The following HERC1 variants were observed in gnomAD, a reference collection of about 807,000 sequenced individuals.
The protein encoded by HERC1 is probable E3 ubiquitin-protein ligase HERC1.
Under a neutral mutation model 554.3 loss-of-function variants are expected in HERC1, and 160 were observed. The observed-to-expected ratio is 0.29, with a 90% confidence interval of 0.25 to 0.33. The LOEUF (loss-of-function observed/expected upper bound fraction) is 0.33. HERC1 is among the 10% of genes least tolerant of loss of function. The pLI is 1.00. For synonymous variants in HERC1, 2,175 were observed against 2,131.7 expected (o/e 1.02, Z -0.56); for missense variants, 4,919 against 5,918.5 (o/e 0.83, Z 5.54).
rs2075415190 is a variant in HERC1 at position 63,756,189 on chromosome 15, A to G, written c.1533+248T>C. Among the ~76,000 whole-genome samples, 1 of 151,994 alleles carries G rather than the reference A, an allele frequency of 6.6e-6. No individual in the cohort carries two copies. On this transcript the variant is annotated intron_variant, in intron 5 of 77. Coordinates refer to ENST00000443617, the MANE Select transcript of HERC1 (RefSeq NM_003922.4). The surrounding 1 kb of genome is among the most constrained non-coding windows in gnomAD (Gnocchi z 5.0). ...GTGCTAAATGTTTGTTAAATGAATG[A>G]CTCTCAGTTTGCTTATCTGTGAAAT...
At chr15:63,690,369 T>G (rs2072038690) in intron 32 of HERC1, among the ~76,000 whole-genome samples, 172 bp downstream of exon 32, 1 of 151,932 alleles carries the variant, frequency 6.6e-6, no homozygotes, top group Admixed American at 6.6e-5. Flanking sequence ...ATAACTTAAT[T>G]TTTTTTGCCC....
chr15:63,639,049 G>A (rs370646277), intron 61 of HERC1, among the ~76,000 whole-genome samples: 26 of 152,250 alleles, frequency 1.7e-4, no homozygotes, highest in African/African-American at 5.3e-4. Flanking sequence ...CAGGTACAAG[G>A]TCATGTGGAG....
intron 34 of HERC1, among the ~76,000 whole-genome samples, chr15:63,685,315 T>C (rs2071691943): frequency 6.6e-6 from 1 of 152,222 alleles, no homozygotes; most frequent in African/African-American, 2.4e-5. Context: ...GAAGGCCCCA[T>C]GGGGGCAGGT....
chr15:63,820,249 T>C (rs1477108348), intron 1 of HERC1, among the ~76,000 whole-genome samples: 2 of 152,118 alleles, frequency 1.3e-5, no homozygotes, highest in Non-Finnish European at 2.9e-5. Flanking sequence ...CATCATTAAA[T>C]TACACAAATC....
rs747666464 is a variant in HERC1, at chr15:63,661,735, T to C, written c.9170+18A>G. The C allele has an allele frequency of 3.5e-5, 57 of 1,612,614 alleles. No individual in the cohort carries two copies. The highest frequency in any genetic ancestry group is 4.7e-5 in the Non-Finnish European group (55 of 1,178,948). Reference sequence around the variant, plus strand: ...GGTATCTTCAGGAGGTCTGGATATCTACACAATTTCAAGGTACCTTTCAGA... The same window carrying C: ...GGTATCTTCAGGAGGTCTGGATATCCACACAATTTCAAGGTACCTTTCAGA... On this transcript the variant is annotated intron_variant, in intron 45 of 77. Transcript: ENST00000443617.
rs2068904802 is a variant in HERC1 at position 63,638,882 on chromosome 15, A to C, written c.11902-106T>G. The C allele has an allele frequency of 6.4e-6, 5 of 779,358 alleles. No homozygotes were observed. The Admixed American group carries it at 1.1e-4, about 17-fold the overall frequency. 48.3% of individuals were successfully genotyped at this position (779,358 alleles called of 1,614,324 possible). On this transcript the variant is annotated intron_variant, in intron 61 of 77. Coordinates refer to ENST00000443617, the MANE Select transcript of HERC1 (RefSeq NM_003922.4). ...CATTAAGTCTTATTTCCAAAAAAGA[A>C]TATGGTAATATTATGATAAATTAAG...
Position 63,746,919 on chromosome 15 carries a change from T to G in HERC1, c.2519A>C (p.Glu840Ala), listed in dbSNP as rs1012034487. The change falls in exon 12 of 78, where the codon GAG becomes GCG. Residue 840 changes from glutamate to alanine, a missense_variant and splice_region_variant. Physicochemically the swap from Glu to Ala is moderately radical, Grantham distance 107. Coordinates refer to ENST00000443617, the MANE Select transcript of HERC1 (RefSeq NM_003922.4). ...MDSTVPDEIQ[E>A]VVIETLSVGA... ...GATTCACAAGTCCTATTCTCTTACC[T>G]CTTGGATTTCATCTGGGACAGTTGA... 4.5e-6 allele frequency: 7 copies of G among 1,551,788 alleles called. No homozygotes were observed. The highest frequency in any genetic ancestry group is 5.2e-6 in the Non-Finnish European group (6 of 1,146,914).
chr15:63,813,951 TG>T (rs1326697255), intron 1 of HERC1, among the ~76,000 whole-genome samples: 1 of 151,918 alleles, frequency 6.6e-6, no homozygotes, highest in Non-Finnish European at 1.5e-5. Context: ...CCCAGCTACT[TG>T]GGAGGCTGAG....
At chr15:63,764,060 A>AC in intron 3 of HERC1, 36 bp downstream of exon 3, 1 of 1,344,926 alleles carries the variant, frequency 7.4e-7, no homozygotes, top group African/African-American at 1.4e-5. Flanking sequence ...ATTTTAACAC[A>AC]AAGTTGTTAA....
Position 63,669,573 on chromosome 15 carries a change from G to C in HERC1, c.8171C>G (p.Pro2724Arg), listed in dbSNP as rs1294450255. The C allele has an allele frequency of 6.2e-7, 1 of 1,613,726 alleles. No individual in the cohort carries two copies. Among genetic ancestry groups the C allele is most frequent in the Non-Finnish European group, 8.5e-7 (1 of 1,179,744 alleles). The change falls in exon 40 of 78, where the codon CCT becomes CGT. Residue 2724 changes from proline (P) to arginine (R), a missense_variant. Around this residue, in one of 11 missense-constraint regions of HERC1, gnomAD observed 1,963 missense variants for 2,228.6 expected, o/e 0.88. Transcript: ENST00000443617. Reference sequence around the variant, plus strand: ...AGCTGGCCTTGCTGACTGGGAATCAGGAGAAGTTAAACTTTGCCTCCTTCC... The same window carrying C: ...AGCTGGCCTTGCTGACTGGGAATCACGAGAAGTTAAACTTTGCCTCCTTCC... ...EVGRRQSLTS[P>R]DSQSARPANR...
rs56196711 is a variant in HERC1 at position 63,757,262 on chromosome 15, C to CTTTTTTTTTTTTTTTTT, written c.1222-531_1222-515dup. Among the ~76,000 whole-genome samples, 10 of 107,872 alleles carry CTTTTTTTTTTTTTTTTT rather than the reference C, an allele frequency of 9.3e-5. 1 individual carries two copies. Among genetic ancestry groups the CTTTTTTTTTTTTTTTTT allele is most frequent in the Non-Finnish European group, 1.5e-4 (8 of 55,104 alleles). 70.8% of individuals were successfully genotyped at this position (107,872 alleles called of 152,430 possible). ...AAAAAGAAATTCCAGTTTTTATTTA[C>CTTTTTTTTTTTTTTTTT]TTTTTTTTTTTTTTTTTTTTGAGAC... On this transcript the variant is annotated intron_variant, in intron 4 of 77. Transcript: ENST00000443617.
At chr15:63,697,424 A>C (rs2072479018) in intron 26 of HERC1, among the ~76,000 whole-genome samples, 1 of 149,928 alleles carries the variant, frequency 6.7e-6, no homozygotes, top group African/African-American at 2.5e-5. Context: ...TATCGACATG[A>C]CTTAATACAG....
intron 1 of HERC1, among the ~76,000 whole-genome samples, chr15:63,823,789 T>C (rs2077788516): frequency 6.6e-6 from 1 of 152,194 alleles, no homozygotes; most frequent in Admixed American, 6.5e-5. Context: ...ATTATTATTA[T>C]TCCATTACTA....
intron 1 of HERC1, among the ~76,000 whole-genome samples, chr15:63,812,174 T>C (rs918837479): frequency 6.6e-6 from 1 of 152,100 alleles, no homozygotes; most frequent in Admixed American, 6.5e-5. Context: ...AGATGACAAG[T>C]TTACTTAGGG....
rs371979138 is a variant in HERC1, at chr15:63,678,060, C to T, written c.6855G>A (p.Arg2285=). The T allele has an allele frequency of 6.2e-6, 10 of 1,613,902 alleles. No individual in the cohort carries two copies. Among genetic ancestry groups the T allele is most frequent in the Non-Finnish European group, 8.5e-6 (10 of 1,179,890 alleles). The part of the protein sequence containing the change: ...SKEEEKGKHT[R]HGLADLSELQ... ...GCTCTGAGAGGTCAGCGAGGCCATGCCTAGTATGTTTACCTTTCTCTTCCT... is the reference window on the plus strand; with the variant it reads ...GCTCTGAGAGGTCAGCGAGGCCATGTCTAGTATGTTTACCTTTCTCTTCCT... The change falls in exon 37 of 78, where the codon AGG becomes AGA. Residue 2285 remains arginine, a synonymous_variant. Transcript: ENST00000443617.
At position 63,642,967 on chromosome 15, in the gene HERC1, T is replaced by G; in HGVS notation, c.11423A>C (p.Asn3808Thr). The change falls in exon 59 of 78, where the codon AAT becomes ACT. Residue 3808 changes from asparagine (N) to threonine (T), a missense_variant. Around this residue, in one of 11 missense-constraint regions of HERC1, gnomAD observed 1,963 missense variants for 2,228.6 expected, o/e 0.88. Coordinates refer to ENST00000443617, the MANE Select transcript of HERC1 (RefSeq NM_003922.4). ...TAACTACAATATTACCTTTGATCTA[T>G]TTGAGCAAGCAGCTACTCCAACTTC... Reference protein sequence around the residue: ...IPEVGVAACSNRSKDVLVVNC... With the variant: ...IPEVGVAACSTRSKDVLVVNC... 3.8e-6 allele frequency: 6 copies of G among 1,589,330 alleles called. No individual in the cohort carries two copies. Among genetic ancestry groups the G allele is most frequent in the Non-Finnish European group, 5.2e-6 (6 of 1,157,834 alleles).
chr15:63,645,779 A>G, intron 55 of HERC1, 97 bp from the exon 56 acceptor site: 1 of 708,824 alleles, frequency 1.4e-6, no homozygotes, highest in Non-Finnish European at 2.3e-6. Context: ...TAGCATCTAT[A>G]TTTCTATAAC....
At chr15:63,669,732 C>G (rs2070807693) in intron 39 of HERC1, 34 bp from the exon 40 acceptor site, 1 of 1,591,636 alleles carries the variant, frequency 6.3e-7, no homozygotes, top group Non-Finnish European at 8.6e-7. Context: ...GCATAAAAAT[C>G]CAATTTACGA....
intron 12 of HERC1, among the ~76,000 whole-genome samples, chr15:63,745,669 T>A (rs950614159): frequency 2.0e-5 from 3 of 152,196 alleles, no homozygotes; most frequent in African/African-American, 7.2e-5. Flanking sequence ...GTTTTTTCTA[T>A]CTCTTCAGTG....
Sources: allele counts gnomAD v4.1 joint callset (sites outside exome capture counted in the v4.1 genomes callset), GRCh38; gene constraint gnomAD v4.1.1; regional missense constraint gnomAD v4.1.1; non-coding constraint Gnocchi (gnomAD v3.1); transcripts MANE v1.5; gene names NCBI Gene and HGNC (gene_info 2026-07-23, HGNC 2026-07-21).